TMEM260: variants seen among roughly 807,000 people sequenced by gnomAD.
The protein encoded by TMEM260 is protein O-mannosyl-transferase TMEM260.
Under a neutral mutation model 88.9 loss-of-function variants are expected in TMEM260, and 82 were observed. That is an observed-to-expected ratio of 0.92 (90% CI 0.77 to 1.11). The LOEUF (loss-of-function observed/expected upper bound fraction) is 1.11, where lower values mean the gene tolerates loss of function less well. Among genes scored for constraint, TMEM260 ranks in the 50% least tolerant of loss-of-function variants. The probability of loss-of-function intolerance (pLI) is 0.00; values close to 1 mark genes in which losing one functional copy is unlikely to be tolerated. For missense variants in TMEM260, 902 were observed against 853.4 expected (o/e 1.06, Z -0.71); for synonymous variants, 314 against 309.3 (o/e 1.02, Z -0.16).
At chr14:56,593,205 G>A (rs528044118) in intron 3 of TMEM260, 104 of 152,314 alleles carry the variant, frequency 6.8e-4, no homozygotes, top group African/African-American at 2.4e-3. Flanking sequence ...TGTGGACCAA[G>A]AAAAGAAGAC....
At chr14:56,594,856 C>T (rs1886107076) in intron 3 of TMEM260, among the ~76,000 whole-genome samples, 1 of 152,144 alleles carries the variant, frequency 6.6e-6, no homozygotes, top group African/African-American at 2.4e-5. Flanking sequence ...TTTTGCTCTA[C>T]ATATATAACT....
downstream of TMEM260, among the ~76,000 whole-genome samples, chr14:56,654,894 T>A (rs945660948): frequency 6.6e-6 from 1 of 150,498 alleles, no homozygotes; most frequent in African/African-American, 2.4e-5. Context: ...GTGTCTGATA[T>A]CCTAAATATG....
At chr14:56,659,354 C>A in the TMEM260 span, among the ~76,000 whole-genome samples, 14 of 151,146 alleles carry the variant, frequency 9.3e-5, no homozygotes, top group African/African-American at 3.4e-4. Context: ...GGCCTCAAGA[C>A]AAACAATAGA....
chr14:56,651,326 G>GA (rs72001981), downstream of TMEM260, among the ~76,000 whole-genome samples: 6,241 of 148,620 alleles, frequency 0.042, 201 homozygotes, highest in Middle Eastern at 0.13. Flanking sequence ...GGTTTTTCAG[G>GA]AAAAAAAAAA....
At chr14:56,609,387 T>C (rs537151592) in intron 6 of TMEM260, 102 bp downstream of exon 6, 1 of 1,115,302 alleles carries the variant, frequency 9.0e-7, no homozygotes, top group East Asian at 2.4e-5. Context: ...TGACAGTAGA[T>C]CAAATGTTTG....
At chr14:56,635,760 C>G (rs558144527) in intron 14 of TMEM260, among the ~76,000 whole-genome samples, 28 of 152,080 alleles carry the variant, frequency 1.8e-4, no homozygotes, top group Admixed American at 9.2e-4. Context: ...GCACTGAGAA[C>G]AGTTATGATA....
chr14:56,587,165 G>T (rs1885558643), intron 3 of TMEM260, among the ~76,000 whole-genome samples: 1 of 151,608 alleles, frequency 6.6e-6, no homozygotes, highest in African/African-American at 2.4e-5. Flanking sequence ...TCCTTGTTCT[G>T]TATTGAATGA....
intron 3 of TMEM260, among the ~76,000 whole-genome samples, chr14:56,593,939 G>A (rs932649754): frequency 6.6e-6 from 1 of 150,716 alleles, no homozygotes; most frequent in African/African-American, 2.4e-5. Context: ...CACCCGCCTC[G>A]GCCTCCCAAA....
intron 5 of TMEM260, among the ~76,000 whole-genome samples, chr14:56,606,714 A>G (rs2139560705): frequency 6.6e-6 from 1 of 152,308 alleles, no homozygotes; most frequent in South Asian, 2.1e-4. Flanking sequence ...CAACACGGTG[A>G]AAGTCTGTCT....
At chr14:56,636,469 C>CTGTATGATT (rs752603968) in intron 14 of TMEM260, 39 bp from the exon 15 acceptor site, 2 of 1,527,024 alleles carry the variant, frequency 1.3e-6, no homozygotes. Flanking sequence ...GTGCAATTGA[C>CTGTATGATT]TGTATGATTT....
At chr14:56,610,023 C>G (rs745424955) in intron 6 of TMEM260, among the ~76,000 whole-genome samples, 7 of 152,004 alleles carry the variant, frequency 4.6e-5, no homozygotes, top group African/African-American at 7.2e-5. Flanking sequence ...TTATACAAAA[C>G]TCTAAACCAT....
intron 1 of TMEM260, among the ~76,000 whole-genome samples, chr14:56,582,030 G>A (rs1885171885): frequency 6.6e-6 from 1 of 152,176 alleles, no homozygotes; most frequent in Non-Finnish European, 1.5e-5. Context: ...ATGTTAAATA[G>A]TGGTTGCTTC....
chr14:56,599,130 C>T (rs756267960), intron 3 of TMEM260, among the ~76,000 whole-genome samples: 3 of 152,184 alleles, frequency 2.0e-5, no homozygotes, highest in South Asian at 4.2e-4. Flanking sequence ...ACCCTTTGCT[C>T]ATCCTTCTTA....
intron 5 of TMEM260, 133 bp downstream of exon 5, chr14:56,605,816 A>C (rs1410569343): frequency 4.3e-5 from 22 of 510,568 alleles, no homozygotes; most frequent in Non-Finnish European, 6.7e-6. Context: ...CTAGGGCCTA[A>C]CAATATTGAC....
chr14:56,612,224 ACTTTTGT>A lies in TMEM260; in HGVS notation c.817-13_817-7del, dbSNP rs1488729501. ...GTCAGTTTAATGCTTGTGCAGATAA[ACTTTTGT>A]CTTTTGTGTTTAGGCCAAATCTGAA... On this transcript the variant is annotated splice_polypyrimidine_tract_variant and intron_variant, in intron 6 of 15. Transcript: ENST00000261556. 12 of 1,606,912 alleles carry A rather than the reference ACTTTTGT, an allele frequency of 7.5e-6. No individual in the cohort carries two copies. Among genetic ancestry groups the A allele is most frequent in the Admixed American group, 1.7e-5 (1 of 59,984 alleles).
At position 56,634,741 on chromosome 14, in the gene TMEM260, C is replaced by T. The variant is rs891129970; in HGVS notation, c.1725-158C>T. Among the ~76,000 whole-genome samples the T allele has an allele frequency of 6.6e-5, 10 of 151,300 alleles. No individual in the cohort carries two copies. In the East Asian group the frequency reaches 1.6e-3, roughly 24 times the overall value. ...CCTGTAAACCCAGCTACTTGGGAGG[C>T]GGGGGCAGGAGAATCACTTGAACCC... On this transcript the variant is annotated intron_variant, in intron 13 of 15. Coordinates refer to ENST00000261556, the MANE Select transcript of TMEM260 (RefSeq NM_017799.4).
intron 6 of TMEM260, among the ~76,000 whole-genome samples, chr14:56,609,818 T>A (rs570594878): frequency 1.3e-5 from 2 of 152,212 alleles, no homozygotes; most frequent in African/African-American, 2.4e-5. Flanking sequence ...TCAAAAGGCC[T>A]TGCTTTTCCT....
downstream of TMEM260, among the ~76,000 whole-genome samples, chr14:56,651,547 T>A (rs1387849631): frequency 6.6e-6 from 1 of 152,164 alleles, no homozygotes; most frequent in Non-Finnish European, 1.5e-5. Context: ...CAAAGTTAGA[T>A]GTGAGGGTTA....
chr14:56,615,847 G>A, intron 7 of TMEM260, 97 bp from the exon 8 acceptor site: 1 of 842,930 alleles, frequency 1.2e-6, no homozygotes, highest in Non-Finnish European at 1.9e-6. Context: ...CCTTGTGATT[G>A]TTCAGTATAT....
Sources: gnomAD v4.1 joint callset for allele counts (sites outside exome capture counted in the v4.1 genomes callset) on GRCh38, gnomAD v4.1.1 for gene constraint, MANE v1.5 for transcripts, NCBI Gene and HGNC (gene_info 2026-07-23, HGNC 2026-07-21) for gene names.